RBFOX1: variants seen among roughly 807,000 people sequenced by gnomAD.
RBFOX1 encodes RNA binding fox-1 homolog 1.
RBFOX1 carries 8 observed loss-of-function variants against 57.7 expected under a neutral mutation model. That is an observed-to-expected ratio of 0.14 (90% CI 0.08 to 0.25). The LOEUF (loss-of-function observed/expected upper bound fraction) is 0.25, where lower values mean the gene tolerates loss of function less well. RBFOX1 is among the 10% of genes least tolerant of loss of function. The pLI is 1.00. For synonymous variants in RBFOX1, 326 were observed against 222.4 expected, an observed-to-expected ratio of 1.47 and a Z score of -4.15; for missense variants, 611 against 548.5, an observed-to-expected ratio of 1.11 and a Z score of -1.14.
chr16:5,932,184 G>T (rs973877972), intron 4 of RBFOX1, among the ~76,000 whole-genome samples: 2 of 152,112 alleles, frequency 1.3e-5, no homozygotes, highest in African/African-American at 4.8e-5. Flanking sequence ...ATTAAAAGCC[G>T]AGAATTTTCT....
intron 1 of RBFOX1, among the ~76,000 whole-genome samples, chr16:6,266,158 G>C (rs566636054): frequency 6.6e-6 from 1 of 152,262 alleles, no homozygotes; most frequent in African/African-American, 2.4e-5. Context: ...TCCCACTGTG[G>C]AGAGATCAGT....
chr16:5,385,615 C>T (rs1303033286), intron 1 of RBFOX1, among the ~76,000 whole-genome samples: 1 of 152,202 alleles, frequency 6.6e-6, no homozygotes, highest in African/African-American at 2.4e-5. Flanking sequence ...GCCAAAGTGA[C>T]ATGGTCATTA....
At chr16:6,167,929 G>C (rs1305737840) in intron 1 of RBFOX1, among the ~76,000 whole-genome samples, 1 of 152,150 alleles carries the variant, frequency 6.6e-6, no homozygotes, top group Non-Finnish European at 1.5e-5. Flanking sequence ...AAGATTATGG[G>C]TCAAAGTGAA....
At chr16:5,480,491 C>G (rs980967402) in intron 2 of RBFOX1, among the ~76,000 whole-genome samples, 1 of 152,180 alleles carries the variant, frequency 6.6e-6, no homozygotes, top group Admixed American at 6.5e-5. Context: ...ATAAACCCTG[C>G]TGCCGCTGAA....
chr16:6,181,103 T>C (rs1026448865), intron 1 of RBFOX1, among the ~76,000 whole-genome samples: 5 of 152,304 alleles, frequency 3.3e-5, no homozygotes, highest in Non-Finnish European at 7.4e-5. Context: ...ATCTGCACAC[T>C]GCTTCAGGAT....
chr16:6,782,240 C>T (rs922495396), intron 3 of RBFOX1, among the ~76,000 whole-genome samples: 1 of 152,162 alleles, frequency 6.6e-6, no homozygotes, highest in Admixed American at 6.5e-5. Context: ...CTCTTGACCT[C>T]GTGGTCTGCC....
intron 3 of RBFOX1, among the ~76,000 whole-genome samples, chr16:5,713,864 C>A (rs2051584913): frequency 6.6e-6 from 1 of 152,168 alleles, no homozygotes; most frequent in South Asian, 2.1e-4. Context: ...CTGCAGTGAC[C>A]TTCTTGTTGG....
chr16:6,103,758 C>G (rs1029229417), intron 1 of RBFOX1, among the ~76,000 whole-genome samples: 1 of 152,124 alleles, frequency 6.6e-6, no homozygotes. Context: ...TGGCCAGAAC[C>G]AGTCATGTGA....
chr16:6,086,385 T>C (rs2152520578), intron 1 of RBFOX1, among the ~76,000 whole-genome samples: 1 of 152,264 alleles, frequency 6.6e-6, no homozygotes, highest in East Asian at 1.9e-4. Context: ...CCAAAGTTAC[T>C]CTGTATAGTG....
At chr16:6,028,170 C>T (rs140324625) in intron 1 of RBFOX1, among the ~76,000 whole-genome samples, 3 of 152,230 alleles carry the variant, frequency 2.0e-5, no homozygotes, top group African/African-American at 7.2e-5. Context: ...ACTTTTACCA[C>T]GTTGTAAATG....
intron 1 of RBFOX1, among the ~76,000 whole-genome samples, chr16:6,142,439 T>A (rs952755313): frequency 6.6e-5 from 10 of 151,958 alleles, no homozygotes; most frequent in African/African-American, 2.4e-4. Flanking sequence ...GCCAGGATGG[T>A]CTCGATCTCC....
chr16:6,296,672 G>A (rs980748568), intron 1 of RBFOX1, among the ~76,000 whole-genome samples: 5 of 152,040 alleles, frequency 3.3e-5, no homozygotes, highest in African/African-American at 4.8e-5. Context: ...CACCTGCCTC[G>A]GCCTCCCAAA....
At chr16:7,415,829 A>C (rs138964051) in intron 4 of RBFOX1, among the ~76,000 whole-genome samples, 149 of 152,140 alleles carry the variant, frequency 9.8e-4, no homozygotes, top group Admixed American at 2.9e-3. Context: ...AAGTTATTTG[A>C]CTCTAAACTT....
intron 4 of RBFOX1, among the ~76,000 whole-genome samples, chr16:7,345,080 A>G (rs183313227): frequency 6.6e-6 from 1 of 152,048 alleles, no homozygotes; most frequent in Non-Finnish European, 1.5e-5. Context: ...TTGTGGCTCT[A>G]TTTTCAAGAC....
At chr16:5,916,673 G>A (rs2058710027) in intron 4 of RBFOX1, among the ~76,000 whole-genome samples, 1 of 152,048 alleles carries the variant, frequency 6.6e-6, no homozygotes. Flanking sequence ...TTTTCCTTGT[G>A]GTAAGCCCCA....
chr16:7,042,495 T>G (rs1345272901), intron 3 of RBFOX1, among the ~76,000 whole-genome samples: 1 of 152,220 alleles, frequency 6.6e-6, no homozygotes, highest in Non-Finnish European at 1.5e-5. Flanking sequence ...AATCAGCTAA[T>G]GAAATCAATT....
At chr16:7,481,093 C>G (rs970089081) in intron 4 of RBFOX1, among the ~76,000 whole-genome samples, 1 of 152,144 alleles carries the variant, frequency 6.6e-6, no homozygotes, top group Non-Finnish European at 1.5e-5. Context: ...TACATCTGGA[C>G]AGTTGCCCTC....
At chr16:6,500,453 C>T (rs955624587) in intron 2 of RBFOX1, among the ~76,000 whole-genome samples, 5 of 152,156 alleles carry the variant, frequency 3.3e-5, no homozygotes, top group African/African-American at 1.2e-4. Context: ...CTCCAAATTG[C>T]AGCTCCAACA....
intron 1 of RBFOX1, among the ~76,000 whole-genome samples, chr16:6,153,499 C>T (rs1156373488): frequency 1.3e-5 from 2 of 151,824 alleles, no homozygotes; most frequent in African/African-American, 4.8e-5. Flanking sequence ...AACACACAGT[C>T]CCACTCCTTC....
Sources: gnomAD v4.1 joint callset for allele counts (sites outside exome capture counted in the v4.1 genomes callset) on GRCh38, gnomAD v4.1.1 for gene constraint, MANE v1.5 for transcripts, NCBI Gene and HGNC (gene_info 2026-07-23, HGNC 2026-07-21) for gene names.